IGFL2: variants seen among roughly 807,000 people sequenced by gnomAD.
IGFL2 encodes insulin growth factor-like family member 2.
Under a neutral mutation model 13.9 loss-of-function variants are expected in IGFL2, and 7 were observed. The ratio of observed to expected loss-of-function variants is 0.51; its 90% confidence interval spans 0.29 to 0.95. IGFL2 has a LOEUF of 0.95. Among genes scored for constraint, IGFL2 ranks in the 40% least tolerant of loss-of-function variants. IGFL2 has a pLI of 0.08. For missense variants in IGFL2, 138 were observed against 147.8 expected (o/e 0.93, Z 0.34); for synonymous variants, 55 against 55.8 (o/e 0.99, Z 0.07).
the IGFL2 span, chr19:46,113,686 TC>T: frequency 4.9e-6 from 1 of 205,332 alleles, no homozygotes; most frequent in Non-Finnish European, 1.1e-5. Context: ...GCAATAATAT[TC>T]CATGCTTGTT....
chr19:46,184,054 G>T, the IGFL2 span, among the ~76,000 whole-genome samples: 1 of 152,094 alleles, frequency 6.6e-6, no homozygotes, highest in Non-Finnish European at 1.5e-5. Flanking sequence ...TAACTTTCCA[G>T]TGATGATGGA....
At chr19:46,191,954 G>C in the IGFL2 span, among the ~76,000 whole-genome samples, 3 of 152,078 alleles carry the variant, frequency 2.0e-5, no homozygotes, top group Non-Finnish European at 4.4e-5. Flanking sequence ...GGCATAGCTT[G>C]TTTTCCATTA....
the IGFL2 span, among the ~76,000 whole-genome samples, chr19:46,181,949 T>C: frequency 6.6e-6 from 1 of 152,186 alleles, no homozygotes; most frequent in African/African-American, 2.4e-5. Flanking sequence ...TTTCTTTCAT[T>C]AGGAAGAACT....
At chr19:46,122,299 A>G in the IGFL2 span, among the ~76,000 whole-genome samples, 15 of 151,086 alleles carry the variant, frequency 9.9e-5, 2 homozygotes, top group African/African-American at 3.7e-4. Context: ...TATCTTAAAA[A>G]GAAACTTGTC....
chr19:46,174,986 C>T, the IGFL2 span, among the ~76,000 whole-genome samples: 1 of 152,082 alleles, frequency 6.6e-6, no homozygotes, highest in Non-Finnish European at 1.5e-5. Flanking sequence ...TTAAAGCTTG[C>T]TTGTCAAGAA....
the IGFL2 span, among the ~76,000 whole-genome samples, chr19:46,175,843 ATTT>A: frequency 2.3e-4 from 28 of 119,922 alleles, no homozygotes; most frequent in Non-Finnish European, 2.1e-4. Context: ...GCCTGGCACT[ATTT>A]TTTTTTTTTT....
chr19:46,176,265 G>A, the IGFL2 span, among the ~76,000 whole-genome samples: 4 of 151,626 alleles, frequency 2.6e-5, no homozygotes, highest in Non-Finnish European at 5.9e-5. Flanking sequence ...CTTCCACAGA[G>A]AGGAACAAAA....
At chr19:46,155,013 A>G (rs143874047) in intron 1 of IGFL2, among the ~76,000 whole-genome samples, 2 of 151,778 alleles carry the variant, frequency 1.3e-5, no homozygotes, top group South Asian at 2.1e-4. Flanking sequence ...TCTTTCCTCT[A>G]CAGCTAGAAC....
At chr19:46,179,805 A>G in the IGFL2 span, among the ~76,000 whole-genome samples, 4 of 151,954 alleles carry the variant, frequency 2.6e-5, no homozygotes, top group Non-Finnish European at 5.9e-5. Context: ...AATCCCACCT[A>G]CTCGGGGGGC....
the IGFL2 span, among the ~76,000 whole-genome samples, chr19:46,123,526 A>T: frequency 6.6e-6 from 1 of 150,854 alleles, no homozygotes; most frequent in African/African-American, 2.5e-5. Context: ...TATACTGTAT[A>T]TTATTATAAG....
the IGFL2 span, among the ~76,000 whole-genome samples, chr19:46,179,803 C>G: frequency 7.1e-4 from 108 of 152,164 alleles, no homozygotes; most frequent in African/African-American, 2.4e-3. Context: ...GTAATCCCAC[C>G]TACTCGGGGG....
chr19:46,185,054 A>C, the IGFL2 span, among the ~76,000 whole-genome samples: 1 of 152,126 alleles, frequency 6.6e-6, no homozygotes, highest in Non-Finnish European at 1.5e-5. Context: ...TTCTTTTGAG[A>C]AGTGTCTGTA....
the IGFL2 span, among the ~76,000 whole-genome samples, chr19:46,116,929 GTTAAA>G: frequency 6.6e-6 from 1 of 151,794 alleles, no homozygotes; most frequent in South Asian, 2.1e-4. Context: ...ACTTACACAA[GTTAAA>G]TTAATTAACT....
the IGFL2 span, among the ~76,000 whole-genome samples, chr19:46,185,166 T>C: frequency 3.7e-4 from 56 of 152,320 alleles, no homozygotes; most frequent in African/African-American, 1.3e-3. Context: ...GTCAGATGGA[T>C]AGATTGCAAA....
At chr19:46,081,722 G>C in the IGFL2 span, among the ~76,000 whole-genome samples, 1 of 152,184 alleles carries the variant, frequency 6.6e-6, no homozygotes, top group African/African-American at 2.4e-5. Flanking sequence ...AGAGACTCCA[G>C]GCTCACCAGC....
chr19:46,204,570 CA>C, the IGFL2 span, among the ~76,000 whole-genome samples: 1 of 152,208 alleles, frequency 6.6e-6, no homozygotes, highest in Non-Finnish European at 1.5e-5. Context: ...TCCCTGTCCT[CA>C]AACAGCTCTA....
At chr19:46,179,020 A>AGAGAGAAGACCAGGGTGG in the IGFL2 span, among the ~76,000 whole-genome samples, 1 of 151,934 alleles carries the variant, frequency 6.6e-6, no homozygotes, top group African/African-American at 2.4e-5. Context: ...GAAGAGGCAG[A>AGAGAGAAGACCAGGGTGG]GAGAGAAGAC....
the IGFL2 span, chr19:46,207,107 G>A: frequency 6.6e-6 from 1 of 152,264 alleles, no homozygotes; most frequent in Non-Finnish European, 1.5e-5. Context: ...GGCTCATAAG[G>A]GGAGGTGGAC....
downstream of IGFL2, chr19:46,164,270 C>G (rs1974291732): frequency 1.3e-5 from 2 of 151,786 alleles, no homozygotes; most frequent in Non-Finnish European, 2.9e-5. Flanking sequence ...TTGGGACATT[C>G]CACCCAGTGA....
Sources: allele counts gnomAD v4.1 joint callset (sites outside exome capture counted in the v4.1 genomes callset), GRCh38; gene constraint gnomAD v4.1.1; transcripts MANE v1.5; gene names NCBI Gene and HGNC (gene_info 2026-07-23, HGNC 2026-07-21).